Variants in ADAMTSL3 observed in about 807,000 individuals in gnomAD.
ADAMTSL3 encodes ADAMTS like 3.
ADAMTSL3 carries 128 observed loss-of-function variants against 201.7 expected under a neutral mutation model. That is an observed-to-expected ratio of 0.63 (90% CI 0.55 to 0.73). The LOEUF (loss-of-function observed/expected upper bound fraction) is 0.73. Ranked by LOEUF, ADAMTSL3 falls within the 30% of genes least tolerant of loss-of-function variation. The pLI is 0.00. For synonymous variants in ADAMTSL3, 738 were observed against 748.4 expected (o/e 0.99, Z 0.23); for missense variants, 1,990 against 2,119.6 (o/e 0.94, Z 1.20).
chr15:84,034,675 G>A (rs935341216), intron 28 of ADAMTSL3, among the ~76,000 whole-genome samples: 1 of 152,148 alleles, frequency 6.6e-6, no homozygotes, highest in Non-Finnish European at 1.5e-5. Flanking sequence ...TCATGAGATT[G>A]CCTGGCCATC....
chr15:83,850,321 C>T (rs1268700573), intron 7 of ADAMTSL3, among the ~76,000 whole-genome samples: 1 of 152,014 alleles, frequency 6.6e-6, no homozygotes, highest in Non-Finnish European at 1.5e-5. Flanking sequence ...TCTTCTTTCA[C>T]TGTCTCTTTC....
chr15:83,851,956 C>T (rs1382405201), intron 7 of ADAMTSL3, among the ~76,000 whole-genome samples: 2 of 152,170 alleles, frequency 1.3e-5, no homozygotes, highest in Non-Finnish European at 2.9e-5. Flanking sequence ...ATGGTTGCTT[C>T]TATTAAGATA....
At chr15:83,903,637 G>T (rs182917195) in intron 15 of ADAMTSL3, among the ~76,000 whole-genome samples, 462 of 151,894 alleles carry the variant, frequency 3.0e-3, no homozygotes, top group Non-Finnish European at 4.8e-3. Context: ...GGGGATATCA[G>T]CCGGGCGCAG....
At chr15:83,986,288 G>A (rs900311191) in intron 21 of ADAMTSL3, among the ~76,000 whole-genome samples, 1 of 152,090 alleles carries the variant, frequency 6.6e-6, no homozygotes, top group South Asian at 2.1e-4. Context: ...GGCCATATAA[G>A]TACTACAATG....
intron 17 of ADAMTSL3, among the ~76,000 whole-genome samples, chr15:83,941,860 A>G (rs557138706): frequency 7.9e-5 from 12 of 152,328 alleles, no homozygotes; most frequent in Admixed American, 7.8e-4. Context: ...TGCTAATTAA[A>G]TATCCACAAA....
At position 83,837,979 on chromosome 15, in the gene ADAMTSL3, G is replaced by C. The variant is rs192578274; in HGVS notation, c.601-110G>C. The stretch of plus-strand genomic sequence containing the variant: ...TATAAAACTATGTTCTCATAAAAGA[G>C]AGCCAAACTGTAAAGTTAAGGATTA... On this transcript the variant is annotated intron_variant, in intron 6 of 29. Transcript: ENST00000286744. 1.3e-4 allele frequency: 180 copies of C among 1,353,044 alleles called. 1 individual carries two copies. In the East Asian group the frequency reaches 2.9e-3, roughly 22 times the overall value. 83.8% of individuals were successfully genotyped at this position (1,353,044 alleles called of 1,614,324 possible). A position where few individuals can be genotyped will look rare whatever the true frequency, so the allele number is the denominator to read the frequency against.
At chr15:83,732,825 G>T (rs1292029221) in intron 3 of ADAMTSL3, among the ~76,000 whole-genome samples, 2 of 152,002 alleles carry the variant, frequency 1.3e-5, no homozygotes, top group East Asian at 1.9e-4. Flanking sequence ...TGTGTTAAAG[G>T]GGTATGTTTC....
intron 8 of ADAMTSL3, among the ~76,000 whole-genome samples, chr15:83,867,238 C>T (rs1466794118): frequency 1.3e-5 from 2 of 152,284 alleles, no homozygotes; most frequent in Admixed American, 1.3e-4. Context: ...CAATGTCAGT[C>T]TCTTTGCTGT....
chr15:83,677,877 G>T (rs149917824), intron 2 of ADAMTSL3, among the ~76,000 whole-genome samples: 1,896 of 151,292 alleles, frequency 0.013, 23 homozygotes, highest in Non-Finnish European at 0.019. Flanking sequence ...TTGCCTTCCT[G>T]TGGGTTACTT....
At chr15:83,833,352 T>C (rs1264626107) in intron 6 of ADAMTSL3, among the ~76,000 whole-genome samples, 1 of 152,182 alleles carries the variant, frequency 6.6e-6, no homozygotes, top group Non-Finnish European at 1.5e-5. Context: ...ATAGAGGCTG[T>C]GTCCTCACAT....
chr15:83,749,965 C>A (rs2062611684), intron 3 of ADAMTSL3, among the ~76,000 whole-genome samples: 2 of 152,284 alleles, frequency 1.3e-5, no homozygotes, highest in East Asian at 1.9e-4. Context: ...TTAAAGTGAT[C>A]TGTTCGTTTG....
At chr15:83,981,099 C>G (rs759496437) in intron 20 of ADAMTSL3, among the ~76,000 whole-genome samples, 2 of 152,188 alleles carry the variant, frequency 1.3e-5, no homozygotes, top group Non-Finnish European at 2.9e-5. Flanking sequence ...TCCAAGCCAT[C>G]CATCCTACAC....
chr15:83,926,351 G>A (rs982409390), intron 17 of ADAMTSL3, among the ~76,000 whole-genome samples: 1 of 152,234 alleles, frequency 6.6e-6, no homozygotes, highest in African/African-American at 2.4e-5. Flanking sequence ...ACTTCATCCA[G>A]AGAGTCAGTG....
intron 19 of ADAMTSL3, among the ~76,000 whole-genome samples, chr15:83,948,828 G>T (rs1376922599): frequency 6.6e-6 from 1 of 151,870 alleles, no homozygotes; most frequent in African/African-American, 2.4e-5. Context: ...TTTTTATTAT[G>T]AATCACTAGG....
intron 27 of ADAMTSL3, 65 bp downstream of exon 27, chr15:84,025,501 C>T (rs1312579123): frequency 6.8e-7 from 1 of 1,477,252 alleles, no homozygotes; most frequent in Non-Finnish European, 9.1e-7. Context: ...TGATAATAAT[C>T]ACCTTGTTTC....
At chr15:83,697,322 A>G (rs1466700023) in intron 2 of ADAMTSL3, among the ~76,000 whole-genome samples, 1 of 152,150 alleles carries the variant, frequency 6.6e-6, no homozygotes, top group African/African-American at 2.4e-5. Flanking sequence ...TGCACACAGC[A>G]AGCTATTCAC....
At chr15:83,758,592 G>A (rs1449561649) in intron 3 of ADAMTSL3, among the ~76,000 whole-genome samples, 1 of 152,130 alleles carries the variant, frequency 6.6e-6, no homozygotes, top group Non-Finnish European at 1.5e-5. Context: ...GTATGAAGTG[G>A]TATCTCCTTT....
intron 18 of ADAMTSL3, 37 bp from the exon 19 acceptor site, chr15:83,942,866 G>A (rs1424922595): frequency 1.2e-6 from 2 of 1,605,456 alleles, no homozygotes; most frequent in South Asian, 2.2e-5. Context: ...CATAGAGTGG[G>A]CCAAGCCTGC....
chr15:83,937,297 T>C (rs1156640557), intron 17 of ADAMTSL3, among the ~76,000 whole-genome samples: 2 of 150,900 alleles, frequency 1.3e-5, no homozygotes, highest in African/African-American at 2.5e-5. Flanking sequence ...TAAAAAAATG[T>C]ACATATACAC....
Sources: allele counts gnomAD v4.1 joint callset (sites outside exome capture counted in the v4.1 genomes callset), GRCh38; gene constraint gnomAD v4.1.1; transcripts MANE v1.5; gene names NCBI Gene and HGNC (gene_info 2026-07-23, HGNC 2026-07-21).